KIRREL3: variants seen among roughly 807,000 people sequenced by gnomAD.
KIRREL3 encodes kirre like nephrin family adhesion molecule 3.
A neutral mutation model predicts 89.7 loss-of-function variants in KIRREL3; 36 were observed. The observed-to-expected ratio is 0.40, with a 90% confidence interval of 0.31 to 0.53. The LOEUF is 0.53. Ranked by LOEUF, KIRREL3 falls within the 20% of genes least tolerant of loss-of-function variation. The pLI, the probability that KIRREL3 is intolerant of heterozygous loss-of-function variation, is 0.49. For missense variants in KIRREL3, 864 were observed against 1,056.6 expected, an observed-to-expected ratio of 0.82 and a Z score of 2.53; for synonymous variants, 445 against 441.4, an observed-to-expected ratio of 1.01 and a Z score of -0.10.
At position 126,993,698 on chromosome 11, in the gene KIRREL3, GA is replaced by G. The variant is rs1950103909; in HGVS notation, c.55+6756del. Among the ~76,000 whole-genome samples the G allele has an allele frequency of 6.6e-6, 1 of 152,200 alleles. No individual in the cohort carries two copies. Among genetic ancestry groups the G allele is most frequent in the Non-Finnish European group, 1.5e-5 (1 of 68,032 alleles). The stretch of plus-strand genomic sequence containing the variant: ...AGGAGGCCCACAGTGAGTGCTGGCT[GA>G]GTGGTCAAGGGCTGAGCCTTAGTGT... On this transcript the variant is annotated intron_variant, in intron 1 of 16. Coordinates refer to ENST00000525144, the MANE Select transcript of KIRREL3 (RefSeq NM_032531.4). This position sits in a 1 kb window ranked among gnomAD's most constrained non-coding sequence, Gnocchi z 6.1.
rs1949192600 is a variant in KIRREL3, at chr11:126,747,522, G to T, written c.56-184610C>A. On this transcript the variant is annotated intron_variant, in intron 1 of 16. Coordinates refer to ENST00000525144, the MANE Select transcript of KIRREL3 (RefSeq NM_032531.4). This position sits in a 1 kb window ranked among gnomAD's most constrained non-coding sequence, Gnocchi z 4.7. Reference sequence around the variant, plus strand: ...GAAAACTCCTATTCATCCATCAAAGGCCTGCTCACATGTTCCCTCTCTGCA... The same window carrying T: ...GAAAACTCCTATTCATCCATCAAAGTCCTGCTCACATGTTCCCTCTCTGCA... Among the ~76,000 whole-genome samples the T allele has an allele frequency of 6.6e-6, 1 of 151,718 alleles. No homozygotes were observed.
chr11:126,504,884 A>C (rs1205244693), intron 4 of KIRREL3, among the ~76,000 whole-genome samples: 1 of 152,242 alleles, frequency 6.6e-6, no homozygotes, highest in Non-Finnish European at 1.5e-5. Context: ...ACACTATATT[A>C]ATAGAGTAAT....
At chr11:126,662,481 A>C (rs1373374568) in intron 1 of KIRREL3, among the ~76,000 whole-genome samples, 4 of 152,198 alleles carry the variant, frequency 2.6e-5, no homozygotes, top group Non-Finnish European at 5.9e-5. Context: ...GAAGTGCAAG[A>C]TCTAGAGGCT....
intron 4 of KIRREL3, among the ~76,000 whole-genome samples, chr11:126,509,572 A>C (rs1958133864): frequency 6.6e-6 from 1 of 152,218 alleles, no homozygotes; most frequent in African/African-American, 2.4e-5. Context: ...TGACATTCCC[A>C]TGATGGACCC....
chr11:126,659,373 A>G (rs1945293172), intron 1 of KIRREL3, among the ~76,000 whole-genome samples: 1 of 152,230 alleles, frequency 6.6e-6, no homozygotes, highest in African/African-American at 2.4e-5. Flanking sequence ...CACTCAAAAA[A>G]TAGGAGTTAT....
At chr11:126,595,247 C>T in intron 1 of KIRREL3, among the ~76,000 whole-genome samples, 1 of 152,206 alleles carries the variant, frequency 6.6e-6, no homozygotes, top group East Asian at 1.9e-4. Flanking sequence ...GAGCTGCAGT[C>T]AGCCTCCTCT....
intron 1 of KIRREL3, among the ~76,000 whole-genome samples, chr11:126,921,747 TTCTATCTATCTA>T (rs201000548): frequency 0.016 from 2,224 of 134,962 alleles, 27 homozygotes; most frequent in Admixed American, 0.04. Context: ...TATATCTGTC[TTCTATCTATCTA>T]TCTATCTATC....
chr11:126,588,891 T>C (rs1257278848), intron 1 of KIRREL3, among the ~76,000 whole-genome samples: 1 of 151,930 alleles, frequency 6.6e-6, no homozygotes, highest in African/African-American at 2.4e-5. Context: ...AAGGTGGCGG[T>C]GGTGGGGGGA....
In KIRREL3 at chr11:126,853,087, A is replaced by T. The variant is rs77375801; in HGVS notation, c.55+147368T>A. Among the ~76,000 whole-genome samples the T allele has an allele frequency of 4.6e-3, 705 of 152,088 alleles. 18 individuals carry two copies. In the East Asian group the frequency reaches 0.073, roughly 16 times the overall value. The stretch of plus-strand genomic sequence containing the variant: ...TTTTTTGTGTTGTTGCTTTTTTTTT[A>T]AAATGGGAAAAATACTTCCTTTTTC... On this transcript the variant is annotated intron_variant, in intron 1 of 16. Coordinates refer to ENST00000525144, the MANE Select transcript of KIRREL3 (RefSeq NM_032531.4).
intron 1 of KIRREL3, among the ~76,000 whole-genome samples, chr11:126,835,576 G>A (rs1231668741): frequency 2.0e-5 from 3 of 152,226 alleles, no homozygotes; most frequent in Non-Finnish European, 4.4e-5. Flanking sequence ...GAATTTTGAT[G>A]TGGTCCCTAG....
At chr11:126,929,948 ACCCC>A (rs35235576) in intron 1 of KIRREL3, among the ~76,000 whole-genome samples, 17 of 144,132 alleles carry the variant, frequency 1.2e-4, no homozygotes, top group East Asian at 4.1e-4. Context: ...TGGGGGAGCC[ACCCC>A]CCCCCCCCCA....
At position 126,647,700 on chromosome 11, in the gene KIRREL3, G is replaced by A. The variant is rs1944744373; in HGVS notation, c.56-84788C>T. The stretch of plus-strand genomic sequence containing the variant: ...ACCCTGTGCCTGGATGGCGGCCAGA[G>A]CCTCCTAATTGGTCTCGCAGCTTCC... On this transcript the variant is annotated intron_variant, in intron 1 of 16. Transcript: ENST00000525144. The surrounding 1 kb of genome is among the most constrained non-coding windows in gnomAD (Gnocchi z 4.9). Among the ~76,000 whole-genome samples the A allele has an allele frequency of 6.6e-6, 1 of 152,224 alleles. No homozygotes were observed. Among genetic ancestry groups the A allele is most frequent in the South Asian group, 2.1e-4 (1 of 4,834 alleles).
chr11:126,760,548 A>G (rs35581517), intron 1 of KIRREL3, among the ~76,000 whole-genome samples: 1,580 of 152,356 alleles, frequency 0.01, 19 homozygotes, highest in Non-Finnish European at 0.016. Flanking sequence ...TTGAGCTTGC[A>G]CAAGAGTTGG....
intron 1 of KIRREL3, among the ~76,000 whole-genome samples, chr11:126,880,605 T>C (rs1468860023): frequency 1.3e-5 from 2 of 151,654 alleles, no homozygotes; most frequent in East Asian, 1.9e-4. Flanking sequence ...AAGGTAACAA[T>C]ATCCTATTTT....
chr11:126,968,778 C>T (rs2135205922), intron 1 of KIRREL3, among the ~76,000 whole-genome samples: 1 of 152,244 alleles, frequency 6.6e-6, no homozygotes, highest in South Asian at 2.1e-4. Context: ...ATCCACAAAT[C>T]AGGAACTCTA....
rs1956182528 is a variant in KIRREL3 at position 126,451,772 on chromosome 11, A to T, written c.849-2615T>A. Among the ~76,000 whole-genome samples, 3 of 151,834 alleles carry T rather than the reference A, an allele frequency of 2.0e-5. No individual in the cohort carries two copies. The South Asian group carries it at 6.2e-4, about 32-fold the overall frequency. On this transcript the variant is annotated intron_variant, in intron 7 of 16. Transcript: ENST00000525144. Reference sequence around the variant, plus strand: ...TCCTTACGGATCTCCAGGGAGAGAGAGTTCTCCGTTTCCCCTGGTTTAATC... The same window carrying T: ...TCCTTACGGATCTCCAGGGAGAGAGTGTTCTCCGTTTCCCCTGGTTTAATC...
intron 5 of KIRREL3, among the ~76,000 whole-genome samples, chr11:126,465,653 G>A (rs1362298465): frequency 2.0e-4 from 31 of 152,188 alleles, no homozygotes; most frequent in Non-Finnish European, 1.3e-4. Flanking sequence ...GAGCCACGCG[G>A]TGCAGCTGCA....
rs1948254956 is a variant in KIRREL3, at chr11:126,723,368, T to C, written c.56-160456A>G. Among the ~76,000 whole-genome samples the C allele has an allele frequency of 6.6e-6, 1 of 152,128 alleles. No homozygotes were observed. Among genetic ancestry groups the C allele is most frequent in the African/African-American group, 2.4e-5 (1 of 41,428 alleles). On this transcript the variant is annotated intron_variant, in intron 1 of 16. Coordinates refer to ENST00000525144, the MANE Select transcript of KIRREL3 (RefSeq NM_032531.4). The surrounding 1 kb of genome is among the most constrained non-coding windows in gnomAD (Gnocchi z 4.0). ...TTAGTGGGAGCTGTGGAGAGGAGGC[T>C]AGAAATAGGCAAAGAAGGGAGGGGA...
chr11:126,882,151 T>C (rs1242365433), intron 1 of KIRREL3, among the ~76,000 whole-genome samples: 1 of 152,190 alleles, frequency 6.6e-6, no homozygotes, highest in Non-Finnish European at 1.5e-5. Context: ...TCCTGCCCTC[T>C]TGACTTTCTC....
Sources: allele counts gnomAD v4.1 joint callset (sites outside exome capture counted in the v4.1 genomes callset), GRCh38; gene constraint gnomAD v4.1.1; non-coding constraint Gnocchi (gnomAD v3.1); transcripts MANE v1.5; gene names NCBI Gene and HGNC (gene_info 2026-07-23, HGNC 2026-07-21).